The following NDRG3 variants were observed in gnomAD, a reference collection of about 807,000 sequenced individuals.
NDRG3 encodes the protein protein NDRG3.
A neutral mutation model predicts 57.2 loss-of-function variants in NDRG3; 23 were observed. The ratio of observed to expected loss-of-function variants is 0.40; its 90% CI spans 0.29 to 0.57. The LOEUF (loss-of-function observed/expected upper bound fraction) is 0.57. NDRG3 is among the 20% of genes least tolerant of loss of function. NDRG3 has a pLI of 0.42. For missense variants in NDRG3, 384 were observed against 457.3 expected (o/e 0.84, Z 1.46); for synonymous variants, 132 against 162.6 (o/e 0.81, Z 1.43).
intron 5 of NDRG3, among the ~76,000 whole-genome samples, chr20:36,687,214 T>C (rs775073052): frequency 1.3e-5 from 1 of 77,182 alleles, no homozygotes; most frequent in African/African-American, 3.6e-5. Flanking sequence ...CAGTGAGGAG[T>C]AGATGTTCCA....
At position 36,731,718 on chromosome 20, in the gene NDRG3, G is replaced by A. The variant is rs143382988; in HGVS notation, c.-48-9935C>T. ...CCAGCTACTCGGGAGGCTGAGGCAG[G>A]AGAATGGCATGAATCCAGGAGGCAG... On this transcript the variant is annotated intron_variant, in intron 1 of 15. Coordinates refer to ENST00000349004, the MANE Select transcript of NDRG3 (RefSeq NM_032013.4). Among the ~76,000 whole-genome samples, 393 of 151,996 alleles carry A rather than the reference G, an allele frequency of 2.6e-3. 1 individual carries two copies. Among genetic ancestry groups the A allele is most frequent in the African/African-American group, 9.1e-3 (375 of 41,420 alleles).
rs763347403 is a variant in NDRG3 at position 36,682,510 on chromosome 20, A to G, written c.444+8T>C. 6.2e-7 allele frequency: 1 copy of G among 1,612,660 alleles called. No homozygotes were observed. The highest frequency in any genetic ancestry group is 8.5e-7 in the Non-Finnish European group (1 of 1,178,712). ...AAGGATGTTGAGGCTAATCCTCTAC[A>G]TACTTACTGCAAATCTGCTGAGGAT... is the stretch of plus-strand genomic sequence containing the variant. On this transcript the variant is annotated splice_region_variant and intron_variant, in intron 7 of 15. Transcript: ENST00000349004.
intron 12 of NDRG3, among the ~76,000 whole-genome samples, chr20:36,662,508 T>C (rs1979296129): frequency 6.6e-6 from 1 of 152,192 alleles, no homozygotes; most frequent in East Asian, 1.9e-4. Flanking sequence ...CCACAACCAC[T>C]GGTTTTTGAC....
chr20:36,739,457 A>C (rs1406343368), intron 1 of NDRG3, among the ~76,000 whole-genome samples: 1 of 71,406 alleles, frequency 1.4e-5, no homozygotes, highest in African/African-American at 4.7e-5. Context: ...AAAAAAAAAG[A>C]AAAAAAAAAA....
chr20:36,720,380 C>A (rs1040410236), intron 2 of NDRG3, among the ~76,000 whole-genome samples: 1 of 151,924 alleles, frequency 6.6e-6, no homozygotes, highest in Non-Finnish European at 1.5e-5. Flanking sequence ...ACCATGTTGG[C>A]GAGGCTGATC....
intron 2 of NDRG3, among the ~76,000 whole-genome samples, chr20:36,707,568 T>C (rs921340774): frequency 6.6e-6 from 1 of 152,188 alleles, no homozygotes; most frequent in Non-Finnish European, 1.5e-5. Context: ...CTTAATACAC[T>C]GGCCTATCTG....
intron 3 of NDRG3, among the ~76,000 whole-genome samples, chr20:36,693,549 C>T (rs1000541846): frequency 1.1e-4 from 16 of 151,874 alleles, no homozygotes; most frequent in African/African-American, 2.9e-4. Context: ...GGAACCGAGC[C>T]GCACAGGAGG....
Position 36,678,292 on chromosome 20 carries a change from A to G in NDRG3, c.531+2524T>C, listed in dbSNP as rs140190847. Among the ~76,000 whole-genome samples the G allele has an allele frequency of 4.7e-3, 710 of 152,170 alleles. 7 individuals are homozygous for G. The highest frequency in any genetic ancestry group is 0.017 in the African/African-American group (691 of 41,526). On this transcript the variant is annotated intron_variant, in intron 8 of 15. Coordinates refer to ENST00000349004, the MANE Select transcript of NDRG3 (RefSeq NM_032013.4). Reference sequence around the variant, plus strand: ...GAATATTTTTTAAAGTGGGGAGGGGAATGAGGGTGAGGGCAAAAGAGTTGA... The same window carrying G: ...GAATATTTTTTAAAGTGGGGAGGGGGATGAGGGTGAGGGCAAAAGAGTTGA...
chr20:36,721,668 A>G lies in NDRG3; in HGVS notation c.57+11T>C, dbSNP rs747665746. The G allele has an allele frequency of 6.4e-7, 1 of 1,557,200 alleles. No homozygotes were observed. The highest frequency in any genetic ancestry group is 8.8e-7 in the Non-Finnish European group (1 of 1,139,642). On this transcript the variant is annotated intron_variant, in intron 2 of 15. Transcript: ENST00000349004. ...TTGTCCATATTTTAGTGAAAACAGA[A>G]AAGTCTTTACCTTATCATTTAGAAG...
intron 1 of NDRG3, among the ~76,000 whole-genome samples, chr20:36,732,855 A>G (rs1020066783): frequency 6.6e-6 from 1 of 151,970 alleles, no homozygotes; most frequent in African/African-American, 2.4e-5. Flanking sequence ...AGCACTTAAA[A>G]ACATTGCTTT....
At chr20:36,728,658 A>G (rs147489165) in intron 1 of NDRG3, among the ~76,000 whole-genome samples, 1 of 152,336 alleles carries the variant, frequency 6.6e-6, no homozygotes, top group East Asian at 1.9e-4. Flanking sequence ...TATAATGCAT[A>G]TTGCAAAATC....
intron 13 of NDRG3, among the ~76,000 whole-genome samples, chr20:36,659,994 G>C (rs1035865760): frequency 2.0e-4 from 31 of 151,750 alleles, no homozygotes; most frequent in Non-Finnish European, 4.0e-4. Flanking sequence ...GGATCACGAG[G>C]ACAGGAGATC....
At chr20:36,674,886 A>ATTTTTTT (rs34146274) in intron 8 of NDRG3, among the ~76,000 whole-genome samples, 2 of 39,668 alleles carry the variant, frequency 5.0e-5, no homozygotes, top group African/African-American at 2.1e-4. Context: ...GCCCAGCCAG[A>ATTTTTTT]TTTTTTTTTT....
At chr20:36,725,668 T>C (rs1170188847) in intron 1 of NDRG3, among the ~76,000 whole-genome samples, 1 of 151,430 alleles carries the variant, frequency 6.6e-6, no homozygotes, top group Non-Finnish European at 1.5e-5. Context: ...GATAATTTAC[T>C]CATTGTCCTT....
chr20:36,705,089 G>A (rs1983464401), intron 3 of NDRG3, among the ~76,000 whole-genome samples: 1 of 151,814 alleles, frequency 6.6e-6, no homozygotes, highest in Admixed American at 6.6e-5. Flanking sequence ...GGAGGCTGAG[G>A]TGGGTGAATC....
chr20:36,685,949 G>T (rs1020072971), intron 5 of NDRG3, among the ~76,000 whole-genome samples: 7 of 152,172 alleles, frequency 4.6e-5, no homozygotes, highest in South Asian at 2.1e-4. Context: ...GGTTGAGGCT[G>T]CAGTAAGCCA....
chr20:36,700,185 T>C (rs957505749), intron 3 of NDRG3, among the ~76,000 whole-genome samples: 3 of 151,646 alleles, frequency 2.0e-5, no homozygotes, highest in African/African-American at 7.3e-5. Flanking sequence ...TTTCATAATC[T>C]GGATGATATT....
At chr20:36,654,861 G>A (rs1978519626) in intron 15 of NDRG3, 2 of 779,652 alleles carry the variant, frequency 2.6e-6, no homozygotes, top group Admixed American at 1.7e-5. Flanking sequence ...ATGGACACAG[G>A]AAAAGGCAGG....
chr20:36,677,178 C>T (rs1052577469), intron 8 of NDRG3, among the ~76,000 whole-genome samples: 3 of 152,208 alleles, frequency 2.0e-5, no homozygotes, highest in African/African-American at 4.8e-5. Context: ...CAGCTGCAGC[C>T]GCCCTCCCAG....
Sources: gnomAD v4.1 joint callset for allele counts (sites outside exome capture counted in the v4.1 genomes callset) on GRCh38, gnomAD v4.1.1 for gene constraint, MANE v1.5 for transcripts, NCBI Gene and HGNC (gene_info 2026-07-23, HGNC 2026-07-21) for gene names.